The following SLC12A8 variants were observed in gnomAD, a reference collection of about 807,000 sequenced individuals.
SLC12A8 encodes cation-chloride cotransporter 9.
Under a neutral mutation model 75.6 loss-of-function variants are expected in SLC12A8, and 69 were observed. The observed-to-expected ratio is 0.91, with a 90% CI of 0.75 to 1.11. The LOEUF is 1.11. Ranked by LOEUF, SLC12A8 falls within the 50% of genes most tolerant of loss-of-function variation. SLC12A8 has a pLI of 0.00. For missense variants in SLC12A8, 877 were observed against 896.7 expected, an observed-to-expected ratio of 0.98 and a Z score of 0.28; for synonymous variants, 365 against 372.8, an observed-to-expected ratio of 0.98 and a Z score of 0.24.
intron 5 of SLC12A8, among the ~76,000 whole-genome samples, chr3:125,160,677 C>A (rs1317091993): frequency 1.3e-5 from 2 of 152,210 alleles, no homozygotes; most frequent in Admixed American, 6.5e-5. Flanking sequence ...ACATGGATCC[C>A]TAAAAGTGGC....
Position 125,118,841 on chromosome 3 carries a change from G to A in SLC12A8, c.840C>T (p.Ile280=), listed in dbSNP as rs752793554. The part of the protein sequence containing the change: ...AAVGISWFLY[I]IFVFLLGAIC... ...TGGCGCCCAGGAGGAAGACGAAGAT[G>A]ATGTACAGAAACCACCTGCAAAACC... Residue 280 remains isoleucine, a synonymous_variant, in exon 8 of 14, where the codon ATC becomes ATT. Coordinates refer to ENST00000469902, the MANE Select transcript of SLC12A8 (RefSeq NM_024628.6). The A allele has an allele frequency of 1.1e-5, 18 of 1,612,792 alleles. No individual in the cohort carries two copies. Among genetic ancestry groups the A allele is most frequent in the Middle Eastern group, 1.6e-4 (1 of 6,068 alleles).
At chr3:125,143,431 C>T (rs1170661712) in intron 5 of SLC12A8, among the ~76,000 whole-genome samples, 1 of 152,206 alleles carries the variant, frequency 6.6e-6, no homozygotes, top group Non-Finnish European at 1.5e-5. Flanking sequence ...TGGGCGTGAG[C>T]CTGGAGTCTT....
At chr3:125,170,942 A>G (rs868550332) in intron 5 of SLC12A8, among the ~76,000 whole-genome samples, 1 of 152,052 alleles carries the variant, frequency 6.6e-6, no homozygotes. Context: ...AAGAAAGAAA[A>G]TAGACTGAGA....
rs1177794410 is a variant in SLC12A8 at position 125,173,491 on chromosome 3, C to T, written c.622+4252G>A. Reference sequence around the variant, plus strand: ...AAAAAAAAAACCAAAATAACCTGGACACTCATCTTACACCCTTCACAAAAT... The same window carrying T: ...AAAAAAAAAACCAAAATAACCTGGATACTCATCTTACACCCTTCACAAAAT... On this transcript the variant is annotated intron_variant, in intron 5 of 13. Coordinates refer to ENST00000469902, the MANE Select transcript of SLC12A8 (RefSeq NM_024628.6). Among the ~76,000 whole-genome samples the T allele has an allele frequency of 5.1e-5, 7 of 138,402 alleles. No homozygotes were observed. The East Asian group carries it at 1.5e-3, about 29-fold the overall frequency. 90.8% of individuals were successfully genotyped at this position (138,402 alleles called of 152,430 possible). A position where few individuals can be genotyped will look rare whatever the true frequency, so the allele number is the denominator to read the frequency against.
At position 125,110,315 on chromosome 3, in the gene SLC12A8, C is replaced by T. The variant is rs760658325; in HGVS notation, c.933G>A (p.Leu311=). 6.2e-7 allele frequency: 1 copy of T among 1,613,852 alleles called. No individual in the cohort carries two copies. Among genetic ancestry groups the T allele is most frequent in the Non-Finnish European group, 8.5e-7 (1 of 1,179,868 alleles). Reference sequence around the variant, plus strand: ...ACGAGATGTATAAGCCCAAAAGGAACAGGAAGCCCATGAGGGATACCTGTG... The same window carrying T: ...ACGAGATGTATAAGCCCAAAAGGAATAGGAAGCCCATGAGGGATACCTGTG... ...IAEKVSLMGF[L]FLLGLYISSL... is the part of the protein sequence containing the mutation. Residue 311 remains leucine (L), a synonymous_variant, in exon 9 of 14, where the codon CTG becomes CTA. Coordinates refer to ENST00000469902, the MANE Select transcript of SLC12A8 (RefSeq NM_024628.6).
chr3:125,122,217 C>T (rs889236417), intron 6 of SLC12A8, among the ~76,000 whole-genome samples: 6 of 152,138 alleles, frequency 3.9e-5, no homozygotes, highest in Non-Finnish European at 5.9e-5. Context: ...GGAACTGGAA[C>T]ATGTTTTAAA....
intron 6 of SLC12A8, among the ~76,000 whole-genome samples, chr3:125,124,921 A>T (rs1933159828): frequency 6.6e-6 from 1 of 152,210 alleles, no homozygotes; most frequent in Non-Finnish European, 1.5e-5. Flanking sequence ...TATTTCCCAG[A>T]GCATTAGTGC....
At chr3:125,110,124 G>C in intron 9 of SLC12A8, 65 bp downstream of exon 9, 1 of 1,524,732 alleles carries the variant, frequency 6.6e-7, no homozygotes, top group Non-Finnish European at 8.9e-7. Flanking sequence ...CAATTGATGG[G>C]CCAACAGTGA....
chr3:125,184,122 G>A (rs1214790201), intron 4 of SLC12A8, among the ~76,000 whole-genome samples: 14 of 151,824 alleles, frequency 9.2e-5, no homozygotes, highest in Non-Finnish European at 1.9e-4. Context: ...ACAGACGTGC[G>A]CCACCACGCC....
At chr3:125,163,923 G>A (rs1373646145) in intron 5 of SLC12A8, among the ~76,000 whole-genome samples, 3 of 152,218 alleles carry the variant, frequency 2.0e-5, no homozygotes, top group South Asian at 2.1e-4. Context: ...CTGCCTGGCC[G>A]GACACCATTC....
At chr3:125,144,674 T>C (rs1314215724) in intron 5 of SLC12A8, among the ~76,000 whole-genome samples, 1 of 152,178 alleles carries the variant, frequency 6.6e-6, no homozygotes, top group African/African-American at 2.4e-5. Context: ...CCACTTCCCA[T>C]GCTTCAACTC....
intron 5 of SLC12A8, among the ~76,000 whole-genome samples, chr3:125,165,174 G>T (rs1934258951): frequency 6.6e-6 from 1 of 152,214 alleles, no homozygotes; most frequent in South Asian, 2.1e-4. Context: ...AGGCCATGCT[G>T]TGTAGCATCA....
intron 2 of SLC12A8, among the ~76,000 whole-genome samples, chr3:125,196,463 G>A (rs913139605): frequency 8.5e-5 from 13 of 152,170 alleles, no homozygotes; most frequent in Middle Eastern, 3.2e-3. Flanking sequence ...TAAGAGTCAA[G>A]TTTCTCACAG....
chr3:125,117,314 T>C (rs1195227481), intron 8 of SLC12A8, among the ~76,000 whole-genome samples: 2 of 151,776 alleles, frequency 1.3e-5, no homozygotes, highest in Non-Finnish European at 2.9e-5. Context: ...TCCTAAAATA[T>C]AGGGGCTCAT....
intron 5 of SLC12A8, among the ~76,000 whole-genome samples, chr3:125,176,764 A>T (rs1400512727): frequency 6.8e-6 from 1 of 147,556 alleles, no homozygotes; most frequent in Non-Finnish European, 1.5e-5. Flanking sequence ...GCAAATCAAA[A>T]CCACAATGAG....
At chr3:125,156,220 T>C (rs1934047880) in intron 5 of SLC12A8, among the ~76,000 whole-genome samples, 1 of 152,204 alleles carries the variant, frequency 6.6e-6, no homozygotes, top group Non-Finnish European at 1.5e-5. Context: ...TGCAAATGAA[T>C]TTAGTTCAGA....
chr3:125,119,999 C>T (rs1028898821), intron 7 of SLC12A8: 1 of 428,026 alleles, frequency 2.3e-6, no homozygotes, highest in South Asian at 1.7e-5. Context: ...AGAGGCCTGA[C>T]GGCCTGGGGG....
At chr3:125,131,670 G>A (rs1942523350) in intron 6 of SLC12A8, among the ~76,000 whole-genome samples, 1 of 152,206 alleles carries the variant, frequency 6.6e-6, no homozygotes, top group South Asian at 2.1e-4. Context: ...TTACAGGCGT[G>A]AGCCACCAGG....
intron 6 of SLC12A8, chr3:125,125,913 G>T (rs2945113): frequency 0.15 from 143,861 of 981,576 alleles, 11,226 homozygotes; most frequent in Non-Finnish European, 0.16. Flanking sequence ...TAATCGGCGC[G>T]ATGCATTGGT....
Sources: allele counts gnomAD v4.1 joint callset (sites outside exome capture counted in the v4.1 genomes callset), GRCh38; gene constraint gnomAD v4.1.1; transcripts MANE v1.5; gene names NCBI Gene and HGNC (gene_info 2026-07-23, HGNC 2026-07-21).